Variants in VKORC1L1 observed in about 807,000 individuals in gnomAD.
VKORC1L1 encodes vitamin K epoxide reductase complex subunit 1-like protein 1.
Under a neutral mutation model 18.9 loss-of-function variants are expected in VKORC1L1, and 2 were observed. That is an observed-to-expected ratio of 0.11 (90% CI 0.04 to 0.33). The LOEUF (loss-of-function observed/expected upper bound fraction) is 0.33, where lower values mean the gene tolerates loss of function less well. Ranked by LOEUF, VKORC1L1 falls within the 10% of genes least tolerant of loss-of-function variation. VKORC1L1 has a pLI of 1.00. For synonymous variants in VKORC1L1, 96 were observed against 100.0 expected (o/e 0.96, Z 0.24); for missense variants, 123 against 224.1 (o/e 0.55, Z 2.88).
chr7:65,943,477 C>A (rs1790069060), intron 1 of VKORC1L1, among the ~76,000 whole-genome samples: 1 of 152,120 alleles, frequency 6.6e-6, no homozygotes, highest in Non-Finnish European at 1.5e-5. Context: ...GTTTACAAAT[C>A]TTCCACTAAG....
chr7:65,867,207 G>A, the VKORC1L1 span, among the ~76,000 whole-genome samples: 3 of 151,610 alleles, frequency 2.0e-5, no homozygotes, highest in Non-Finnish European at 4.4e-5. Flanking sequence ...AGAAGAAGGA[G>A]AAGGAGAAGG....
chr7:65,935,053 C>CA (rs551047338), intron 1 of VKORC1L1, among the ~76,000 whole-genome samples: 917 of 58,122 alleles, frequency 0.016, 6 homozygotes, highest in Middle Eastern at 0.044. Flanking sequence ...GATTACATCT[C>CA]AAAAAAAAAA....
intron 1 of VKORC1L1, among the ~76,000 whole-genome samples, chr7:65,942,200 CTTG>C (rs1790046188): frequency 6.6e-6 from 1 of 151,952 alleles, no homozygotes; most frequent in Non-Finnish European, 1.5e-5. Context: ...AGTTTAAAGA[CTTG>C]TTGGCCGGAT....
chr7:65,949,818 C>T (rs1790183831), intron 2 of VKORC1L1, among the ~76,000 whole-genome samples: 1 of 152,144 alleles, frequency 6.6e-6, no homozygotes, highest in African/African-American at 2.4e-5. Context: ...TGTGTTTCAA[C>T]ATAGTGTCGT....
At chr7:65,922,107 C>A (rs1789685373) in intron 1 of VKORC1L1, among the ~76,000 whole-genome samples, 1 of 152,040 alleles carries the variant, frequency 6.6e-6, no homozygotes, top group African/African-American at 2.4e-5. Context: ...CTTCATTTAC[C>A]AATCACGTAC....
chr7:65,921,190 G>A (rs73370679), intron 1 of VKORC1L1, among the ~76,000 whole-genome samples: 2,899 of 152,222 alleles, frequency 0.019, 54 homozygotes, highest in East Asian at 0.087. Context: ...GGTGTTGATA[G>A]TAGTATTTTT....
chr7:65,902,432 A>G (rs936583048), intron 1 of VKORC1L1, among the ~76,000 whole-genome samples: 1 of 152,252 alleles, frequency 6.6e-6, no homozygotes, highest in Admixed American at 6.5e-5. Context: ...AGACAGCAAT[A>G]GAAACTGTCC....
At chr7:65,871,279 T>C (rs1293146981), upstream of VKORC1L1, among the ~76,000 whole-genome samples, 1 of 152,168 alleles carries the variant, frequency 6.6e-6, no homozygotes, top group Non-Finnish European at 1.5e-5. Context: ...CACTGCAACC[T>C]CCACCTCCCA....
upstream of VKORC1L1, among the ~76,000 whole-genome samples, chr7:65,872,965 C>T (rs1583814983): frequency 6.8e-6 from 1 of 147,392 alleles, no homozygotes; most frequent in Non-Finnish European, 1.5e-5. Flanking sequence ...TCTGGCTCCG[C>T]CCCTCCCCAC....
At chr7:65,932,774 T>G (rs901862894) in intron 1 of VKORC1L1, among the ~76,000 whole-genome samples, 1 of 152,186 alleles carries the variant, frequency 6.6e-6, no homozygotes, top group African/African-American at 2.4e-5. Context: ...AACTTCCATG[T>G]GTATTTGTAA....
the VKORC1L1 span, among the ~76,000 whole-genome samples, chr7:65,867,887 C>T: frequency 1.3e-5 from 2 of 152,134 alleles, no homozygotes; most frequent in African/African-American, 4.8e-5. Flanking sequence ...TGCTCTGTCA[C>T]CCAGGCTGGA....
chr7:65,916,099 T>C (rs984327316), intron 1 of VKORC1L1, among the ~76,000 whole-genome samples: 2 of 144,088 alleles, frequency 1.4e-5, no homozygotes, highest in Non-Finnish European at 3.0e-5. Flanking sequence ...CAGCAGACCG[T>C]GACTCTGTCT....
chr7:65,878,427 A>G (rs80287326), intron 1 of VKORC1L1, among the ~76,000 whole-genome samples: 5,647 of 152,024 alleles, frequency 0.037, 159 homozygotes, highest in East Asian at 0.088. Flanking sequence ...TGCCTGGGCA[A>G]TAAGAGGGAA....
upstream of VKORC1L1, among the ~76,000 whole-genome samples, chr7:65,868,371 G>C (rs1788687899): frequency 6.6e-6 from 1 of 152,140 alleles, no homozygotes. Context: ...ATACACCGTT[G>C]GTGGGAATGT....
At chr7:65,885,709 T>A (rs976284612) in intron 1 of VKORC1L1, among the ~76,000 whole-genome samples, 13 of 152,114 alleles carry the variant, frequency 8.5e-5, no homozygotes, top group Non-Finnish European at 1.3e-4. Flanking sequence ...AAGGCCTCTT[T>A]CTGGATTCTC....
chr7:65,874,576 G>A (rs368230495), intron 1 of VKORC1L1, among the ~76,000 whole-genome samples: 10 of 152,166 alleles, frequency 6.6e-5, no homozygotes, highest in African/African-American at 2.2e-4. Flanking sequence ...GGGAGGCCGA[G>A]GCGGGTGGAT....
At chr7:65,950,339 GT>G (rs1268661462) in intron 2 of VKORC1L1, among the ~76,000 whole-genome samples, 1 of 152,132 alleles carries the variant, frequency 6.6e-6, no homozygotes, top group Non-Finnish European at 1.5e-5. Context: ...AAATCCATCT[GT>G]TGATGCCTTT....
Position 65,927,461 on chromosome 7 carries a change from A to G in VKORC1L1, c.195-21210A>G, listed in dbSNP as rs543637751. ...TCCATGTCAACCAATAACCTCTTGT[A>G]CCTGTGAGAAACAAACTCATCTGTC... On this transcript the variant is annotated intron_variant, in intron 1 of 2. Coordinates refer to ENST00000360768, the MANE Select transcript of VKORC1L1 (RefSeq NM_173517.6). 7.2e-4 allele frequency among the ~76,000 whole-genome samples: 109 copies of G among 152,286 alleles called. 1 individual carries two copies. Among genetic ancestry groups the G allele is most frequent in the African/African-American group, 2.6e-3 (107 of 41,554 alleles).
intron 1 of VKORC1L1, among the ~76,000 whole-genome samples, chr7:65,940,747 GCAAA>G (rs1429651858): frequency 1.3e-5 from 2 of 152,166 alleles, no homozygotes; most frequent in Non-Finnish European, 2.9e-5. Context: ...AGAAAACTAA[GCAAA>G]CAAAATATAA....
Sources: allele counts gnomAD v4.1 joint callset (sites outside exome capture counted in the v4.1 genomes callset), GRCh38; gene constraint gnomAD v4.1.1; transcripts MANE v1.5; gene names NCBI Gene and HGNC (gene_info 2026-07-23, HGNC 2026-07-21).